Variants in ZNG1E observed in about 807,000 individuals in gnomAD.
ZNG1E encodes zinc-regulated GTPase metalloprotein activator 1E.
chr9:65,727,152 T>A, the ZNG1E span, among the ~76,000 whole-genome samples: 1 of 137,176 alleles, frequency 7.3e-6, no homozygotes, highest in East Asian at 2.0e-4. Context: ...GCTTCATATA[T>A]GAAGGCAAGA....
At chr9:65,706,132 C>G in the ZNG1E span, among the ~76,000 whole-genome samples, 85 of 141,684 alleles carry the variant, frequency 6.0e-4, no homozygotes, top group Non-Finnish European at 1.0e-3. Flanking sequence ...CTTGGATTGG[C>G]TGGTGCACCC....
the ZNG1E span, among the ~76,000 whole-genome samples, chr9:65,663,896 G>A: frequency 6.6e-6 from 1 of 152,026 alleles, no homozygotes; most frequent in Non-Finnish European, 1.5e-5. Context: ...CCCTGAGGTA[G>A]TTCATGTTAT....
the ZNG1E span, among the ~76,000 whole-genome samples, chr9:65,679,696 A>G: frequency 1.3e-5 from 2 of 152,264 alleles, no homozygotes; most frequent in Non-Finnish European, 2.9e-5. Context: ...CTGGGACTAC[A>G]GGCATGCGCC....
At chr9:65,709,622 G>A in the ZNG1E span, among the ~76,000 whole-genome samples, 88 of 134,948 alleles carry the variant, frequency 6.5e-4, no homozygotes, top group South Asian at 0.019. Flanking sequence ...TTGTTCTTGC[G>A]ATAGTTTACT....
At chr9:65,709,334 A>T in the ZNG1E span, among the ~76,000 whole-genome samples, 3,300 of 150,354 alleles carry the variant, frequency 0.022, 11 homozygotes, top group African/African-American at 0.039. Context: ...TTTTTTCTTG[A>T]GTTTTTTTTT....
chr9:65,714,846 T>A, the ZNG1E span, among the ~76,000 whole-genome samples: 1 of 151,990 alleles, frequency 6.6e-6, no homozygotes, highest in Admixed American at 6.6e-5. Flanking sequence ...TACTGCTGTC[T>A]TTTTGTGTGT....
At chr9:65,720,989 A>AC in the ZNG1E span, among the ~76,000 whole-genome samples, 1 of 149,618 alleles carries the variant, frequency 6.7e-6, no homozygotes, top group Non-Finnish European at 1.5e-5. Context: ...AAAAAAAAAA[A>AC]CCCAGTTCTT....
At chr9:65,684,584 A>G in the ZNG1E span, among the ~76,000 whole-genome samples, 1 of 150,616 alleles carries the variant, frequency 6.6e-6, no homozygotes, top group Non-Finnish European at 1.5e-5. Context: ...ATACACACAC[A>G]CACAAGTAGG....
chr9:65,675,189 TACGTGTA>T, the ZNG1E span, among the ~76,000 whole-genome samples: 3 of 152,402 alleles, frequency 2.0e-5, no homozygotes, highest in Admixed American at 6.5e-5. Context: ...TGCACATAGG[TACGTGTA>T]ACTTACTGGT....
chr9:65,703,627 G>C, the ZNG1E span: 1 of 896,828 alleles, frequency 1.1e-6, no homozygotes, highest in Non-Finnish European at 1.3e-6. Flanking sequence ...GGTGAGAAAG[G>C]CTCAGCAGCT....
chr9:65,727,315 G>A, the ZNG1E span, among the ~76,000 whole-genome samples: 74 of 136,608 alleles, frequency 5.4e-4, no homozygotes, highest in African/African-American at 1.2e-3. Context: ...TAAAACAAAA[G>A]TACAATTAGA....
chr9:65,688,084 T>C, the ZNG1E span, among the ~76,000 whole-genome samples: 1 of 151,634 alleles, frequency 6.6e-6, no homozygotes, highest in African/African-American at 2.4e-5. Flanking sequence ...TTGCATTTAC[T>C]GTGATCATCT....
chr9:65,680,089 T>TA, the ZNG1E span, among the ~76,000 whole-genome samples: 83 of 150,704 alleles, frequency 5.5e-4, no homozygotes, highest in South Asian at 9.2e-3. Context: ...TAAACTGTAG[T>TA]AAAAAAAAAT....
chr9:65,686,816 T>C, the ZNG1E span, among the ~76,000 whole-genome samples: 2 of 152,350 alleles, frequency 1.3e-5, no homozygotes, highest in East Asian at 1.9e-4. Flanking sequence ...AACCAACCTC[T>C]GCTACCTTCC....
chr9:65,727,093 C>A, the ZNG1E span, among the ~76,000 whole-genome samples: 1 of 135,488 alleles, frequency 7.4e-6, no homozygotes. Flanking sequence ...CTTCAGCCTC[C>A]TCAAACAAAA....
chr9:65,658,956 C>T, the ZNG1E span, among the ~76,000 whole-genome samples: 5 of 151,550 alleles, frequency 3.3e-5, no homozygotes, highest in Non-Finnish European at 5.9e-5. Flanking sequence ...TTAAAGGCCC[C>T]ACGTCTAAAT....
At chr9:65,703,667 T>C in the ZNG1E span, 1 of 955,196 alleles carries the variant, frequency 1.0e-6, no homozygotes, top group Non-Finnish European at 1.2e-6. Flanking sequence ...AGCCAGGAGC[T>C]CTGAGGCTCA....
chr9:65,657,489 G>A, the ZNG1E span, among the ~76,000 whole-genome samples: 12 of 152,382 alleles, frequency 7.9e-5, no homozygotes, highest in South Asian at 2.5e-3. Context: ...AATTTCACAT[G>A]TTCTCACTCA....
the ZNG1E span, among the ~76,000 whole-genome samples, chr9:65,684,550 G>GCATGCACACACA: frequency 3.8e-5 from 5 of 132,770 alleles, no homozygotes; most frequent in African/African-American, 9.2e-5. Flanking sequence ...ACACACGCAC[G>GCATGCACACACA]CACACACACA....
Sources: allele counts gnomAD v4.1 joint callset (sites outside exome capture counted in the v4.1 genomes callset), GRCh38; gene constraint gnomAD v4.1.1; transcripts MANE v1.5; gene names NCBI Gene and HGNC (gene_info 2026-07-23, HGNC 2026-07-21).